The following RGS4 variants were observed in gnomAD, a reference collection of about 807,000 sequenced individuals.
RGS4 encodes regulator of G protein signaling 4.
RGS4 carries 15 observed loss-of-function variants against 21.6 expected under a neutral mutation model. The ratio of observed to expected loss-of-function variants is 0.69; its 90% CI spans 0.46 to 1.07. The LOEUF is 1.07. RGS4 is among the 50% of genes least tolerant of loss of function. RGS4 has a pLI of 0.00. For missense variants in RGS4, 237 were observed against 239.0 expected, an observed-to-expected ratio of 0.99 and a Z score of 0.06; for synonymous variants, 94 against 85.5, an observed-to-expected ratio of 1.10 and a Z score of -0.55.
intron 1 of RGS4, among the ~76,000 whole-genome samples, chr1:163,071,536 C>A (rs1655301091): frequency 6.6e-6 from 1 of 151,940 alleles, no homozygotes; most frequent in South Asian, 2.1e-4. Context: ...TAAAAGACCC[C>A]CTTTTTCTAG....
At chr1:163,069,116 A>G (rs1230744828), upstream of RGS4, 2 of 1,505,722 alleles carry the variant, frequency 1.3e-6, no homozygotes, top group African/African-American at 2.8e-5. Context: ...TTCCTTTTCT[A>G]GAAATTCTAA....
chr1:163,072,222 T>C (rs886436503), intron 1 of RGS4, 173 bp from the exon 2 acceptor site: 182 of 806,290 alleles, frequency 2.3e-4, no homozygotes, highest in Non-Finnish European at 2.9e-4. Context: ...TAGCAAGTCA[T>C]AGGGAACCAA....
chr1:163,073,805 A>G (rs889731506), intron 4 of RGS4, 183 bp downstream of exon 4: 2 of 529,916 alleles, frequency 3.8e-6, no homozygotes, highest in Admixed American at 7.4e-5. Flanking sequence ...CTTAAAATAT[A>G]CAATAAACTA....
At chr1:163,069,173 C>A (rs907965510), upstream of RGS4, 1 of 1,500,980 alleles carries the variant, frequency 6.7e-7, no homozygotes, top group Admixed American at 2.4e-5. Flanking sequence ...TCCCATATCC[C>A]TACTTTTCAG....
chr1:163,076,614 G>A lies in RGS4; in HGVS notation c.*2054G>A, dbSNP rs912963819. Reference sequence around the variant, plus strand: ...AATACATTTTTGAGTGTGTTTTTCAGTTGTATTTCCCTGTTATTTCATCAC... The same window carrying A: ...AATACATTTTTGAGTGTGTTTTTCAATTGTATTTCCCTGTTATTTCATCAC... On this transcript the variant is annotated 3_prime_UTR_variant, in exon 5 of 5. Coordinates refer to ENST00000367909, the MANE Select transcript of RGS4 (RefSeq NM_005613.6). 1 of 152,422 alleles carries A rather than the reference G, an allele frequency of 6.6e-6. No individual in the cohort carries two copies. The highest frequency in any genetic ancestry group is 1.5e-5 in the Non-Finnish European group (1 of 68,024). The allele number at this position is 152,422 out of a possible 1,614,324, so 9.4% of individuals were successfully genotyped here. A position where few individuals can be genotyped will look rare whatever the true frequency, so the allele number is the denominator to read the frequency against.
upstream of RGS4, chr1:163,069,099 A>G: frequency 1.3e-6 from 2 of 1,516,552 alleles, no homozygotes; most frequent in Non-Finnish European, 1.8e-6. Context: ...AGCATTGTAC[A>G]CTTTTTTTCC....
At chr1:163,072,923 C>T (rs535285475) in intron 3 of RGS4, 57 bp downstream of exon 3, 18 of 1,447,022 alleles carry the variant, frequency 1.2e-5, no homozygotes, top group African/African-American at 7.0e-5. Context: ...TTATATTATG[C>T]TGGTCTAATA....
At chr1:163,069,273 A>G, upstream of RGS4, 1 of 1,550,772 alleles carries the variant, frequency 6.4e-7, no homozygotes, top group Non-Finnish European at 8.7e-7. Context: ...GCAGAGGGAG[A>G]CAGAGGAGCT....
In RGS4 at chr1:163,074,601, T is replaced by TAGA; in HGVS notation, c.*41_*42insAGA. 1 of 1,613,800 alleles carries TAGA rather than the reference T, an allele frequency of 6.2e-7. No homozygotes were observed. The highest frequency in any genetic ancestry group is 1.1e-5 in the South Asian group (1 of 91,080). The stretch of plus-strand genomic sequence containing the variant: ...AGAGGGATGAAATGCCAAGACTCTA[T>TAGA]GCTCTGGAAAACCTGAGGCCAAATA... On this transcript the variant is annotated 3_prime_UTR_variant, in exon 5 of 5. Coordinates refer to ENST00000367909, the MANE Select transcript of RGS4 (RefSeq NM_005613.6).
At chr1:163,070,269 T>C (rs1655259044) in intron 1 of RGS4, among the ~76,000 whole-genome samples, 2 of 152,058 alleles carry the variant, frequency 1.3e-5, no homozygotes. Context: ...TTTGGTTTGT[T>C]CAAAAAAGGT....
In RGS4 at chr1:163,074,778, C is replaced by CTAAG. The variant is rs550287011; in HGVS notation, c.*220_*223dup. The CTAAG allele has an allele frequency of 7.8e-4, 535 of 685,890 alleles. 3 individuals carry two copies. In the African/African-American group the frequency reaches 8.7e-3, roughly 11 times the overall value. 42.5% of individuals were successfully genotyped at this position (685,890 alleles called of 1,614,324 possible). On this transcript the variant is annotated 3_prime_UTR_variant, in exon 5 of 5. Coordinates refer to ENST00000367909, the MANE Select transcript of RGS4 (RefSeq NM_005613.6). Reference sequence around the variant, plus strand: ...GGGACCCCATTCCAGTCCAATTTTCCTAAGTTTCTTTGAGGGTTCCATGGG... The same window carrying CTAAG: ...GGGACCCCATTCCAGTCCAATTTTCCTAAGTAAGTTTCTTTGAGGGTTCCATGGG...
chr1:163,071,721 G>A (rs974464031), intron 1 of RGS4, among the ~76,000 whole-genome samples: 2 of 151,920 alleles, frequency 1.3e-5, no homozygotes, highest in African/African-American at 4.8e-5. Flanking sequence ...AGCAGATATT[G>A]TCTAGAAAGA....
chr1:163,074,130 T>C (rs1655418128), intron 4 of RGS4, 191 bp from the exon 5 acceptor site: 14 of 665,368 alleles, frequency 2.1e-5, no homozygotes, highest in Non-Finnish European at 3.1e-5. Context: ...CTGCTCTCTC[T>C]AAAGCAGAAA....
rs1209328769 is a variant in RGS4 at position 163,074,846 on chromosome 1, A to C, written c.*286A>C. ...TGGCCTGGTAGGTCTGGATTTTCAA[A>C]GATTGTTGGCAGTTTCCTCCTCCCA... On this transcript the variant is annotated 3_prime_UTR_variant, in exon 5 of 5. Transcript: ENST00000367909. 3.3e-6 allele frequency: 2 copies of C among 602,154 alleles called. No homozygotes were observed. Among genetic ancestry groups the C allele is most frequent in the Non-Finnish European group, 5.9e-6 (2 of 339,744 alleles). The allele number at this position is 602,154 out of a possible 1,614,324, so 37.3% of individuals were successfully genotyped here. A position where few individuals can be genotyped will look rare whatever the true frequency, so the allele number is the denominator to read the frequency against.
intron 1 of RGS4, among the ~76,000 whole-genome samples, chr1:163,070,341 A>G (rs1189876639): frequency 6.6e-6 from 1 of 152,196 alleles, no homozygotes; most frequent in African/African-American, 2.4e-5. Flanking sequence ...ACACAAAATG[A>G]GTGCATATTA....
chr1:163,069,195 C>G, upstream of RGS4: 5 of 1,515,010 alleles, frequency 3.3e-6, no homozygotes, highest in Non-Finnish European at 3.5e-6. Flanking sequence ...AGGATTTTCT[C>G]TGCTCGTTCA....
chr1:163,074,916 T>C lies in RGS4; in HGVS notation c.*356T>C, dbSNP rs1265687378. The C allele has an allele frequency of 1.9e-5, 11 of 574,484 alleles. No homozygotes were observed. In the East Asian group the frequency reaches 3.2e-4, roughly 17 times the overall value. 35.6% of individuals were successfully genotyped at this position (574,484 alleles called of 1,614,324 possible). A position where few individuals can be genotyped will look rare whatever the true frequency, so the allele number is the denominator to read the frequency against. ...GTTGGTTAGTGCATGTCACATGACA[T>C]CCACATGCACATGTATTCTGTTGGC... is the stretch of plus-strand genomic sequence containing the variant. On this transcript the variant is annotated 3_prime_UTR_variant, in exon 5 of 5. Transcript: ENST00000367909.
intron 1 of RGS4, 68 bp downstream of exon 1, chr1:163,069,596 G>T (rs1314267156): frequency 5.4e-6 from 7 of 1,305,916 alleles, no homozygotes; most frequent in Non-Finnish European, 6.5e-6. Context: ...TTTACATGTT[G>T]TACTTACTAA....
chr1:163,073,414 A>G (rs776115869), intron 3 of RGS4, 42 bp from the exon 4 acceptor site: 3 of 1,494,164 alleles, frequency 2.0e-6, no homozygotes, highest in East Asian at 4.7e-5. Flanking sequence ...CAAGAGGCCA[A>G]CCAGTGTGAT....
Sources: gnomAD v4.1 joint callset for allele counts (sites outside exome capture counted in the v4.1 genomes callset) on GRCh38, gnomAD v4.1.1 for gene constraint, MANE v1.5 for transcripts, NCBI Gene and HGNC (gene_info 2026-07-23, HGNC 2026-07-21) for gene names.